The following NUP35 variants were observed in gnomAD, a reference collection of about 807,000 sequenced individuals.
NUP35 encodes nucleoporin NUP35.
Under a neutral mutation model 41.5 loss-of-function variants are expected in NUP35, and 25 were observed. That is an observed-to-expected ratio of 0.60 (90% CI 0.44 to 0.84). The LOEUF (loss-of-function observed/expected upper bound fraction) is 0.84. NUP35 is among the 40% of genes least tolerant of loss of function. The pLI is 0.00. For missense variants in NUP35, 396 were observed against 396.6 expected, an observed-to-expected ratio of 1.00 and a Z score of 0.01; for synonymous variants, 149 against 130.7, an observed-to-expected ratio of 1.14 and a Z score of -0.96.
At chr2:183,137,619 G>A (rs1217916102) in intron 4 of NUP35, among the ~76,000 whole-genome samples, 5 of 151,730 alleles carry the variant, frequency 3.3e-5, no homozygotes, top group African/African-American at 7.3e-5. Flanking sequence ...TGATCCCAGG[G>A]ACATTGAAAA....
At chr2:183,133,512 T>C in intron 3 of NUP35, 54 bp from the exon 4 acceptor site, 1 of 1,402,192 alleles carries the variant, frequency 7.1e-7, no homozygotes, top group African/African-American at 1.4e-5. Flanking sequence ...CTTTTAACAC[T>C]TACTGTATTT....
chr2:183,160,546 C>T (rs1412257436), intron 8 of NUP35: 1 of 151,858 alleles, frequency 6.6e-6, no homozygotes, highest in African/African-American at 2.4e-5. Flanking sequence ...CCACGCCCAG[C>T]TAATTTTTTG....
chr2:183,124,287 A>G (rs2105530171), upstream of NUP35: 24 of 1,432,238 alleles, frequency 1.7e-5, no homozygotes, highest in Middle Eastern at 2.1e-4. Flanking sequence ...TTCTCAGCGC[A>G]AAGACTTTGC....
intron 1 of NUP35, 48 bp from the exon 2 acceptor site, chr2:183,128,239 C>T (rs760007106): frequency 2.1e-6 from 3 of 1,416,568 alleles, no homozygotes; most frequent in Non-Finnish European, 2.8e-6. Flanking sequence ...CAACATGTAA[C>T]AGAAACTGTA....
chr2:183,135,815 A>AT (rs1387936349), intron 4 of NUP35, among the ~76,000 whole-genome samples: 1 of 152,090 alleles, frequency 6.6e-6, no homozygotes, highest in Admixed American at 6.6e-5. Context: ...AAGGGAGCTG[A>AT]TTTTGTCACT....
chr2:183,154,542 A>G (rs1461300193), intron 5 of NUP35, among the ~76,000 whole-genome samples: 1 of 152,202 alleles, frequency 6.6e-6, no homozygotes, highest in Non-Finnish European at 1.5e-5. Context: ...CTCTTTGCTA[A>G]AACATAACAA....
chr2:183,157,616 A>G (rs970976636), intron 6 of NUP35, 103 bp downstream of exon 6: 14 of 820,254 alleles, frequency 1.7e-5, no homozygotes, highest in Non-Finnish European at 2.6e-5. Flanking sequence ...TTAAACTTAA[A>G]TTTTTTTTTG....
chr2:183,160,721 C>G (rs755932736), intron 8 of NUP35: 2 of 155,546 alleles, frequency 1.3e-5, no homozygotes, highest in Non-Finnish European at 2.8e-5. Context: ...TTTGCTTTGC[C>G]AAAGGAATAA....
intron 4 of NUP35, among the ~76,000 whole-genome samples, chr2:183,138,269 A>ATATATATATATATATATATATTTTT: frequency 1.2e-5 from 1 of 80,696 alleles, no homozygotes; most frequent in African/African-American, 6.2e-5. Flanking sequence ...ATATATATAT[A>ATATATATATATATATATATATTTTT]TTTTTTTTTT....
chr2:183,159,892 G>T, intron 8 of NUP35: 1 of 429,310 alleles, frequency 2.3e-6, no homozygotes, highest in Non-Finnish European at 4.1e-6. Flanking sequence ...TTTGAAAGTT[G>T]TTTTAGCTTT....
upstream of NUP35, chr2:183,123,825 G>A: frequency 1.0e-6 from 1 of 985,244 alleles, no homozygotes; most frequent in Non-Finnish European, 1.2e-6. Context: ...GAGGGTTCGT[G>A]GGTGCGTATA....
In NUP35 at chr2:183,159,469, T is replaced by A. The variant is rs939352208; in HGVS notation, c.739-19T>A. 1 of 1,598,460 alleles carries A rather than the reference T, an allele frequency of 6.3e-7. No individual in the cohort carries two copies. Among genetic ancestry groups the A allele is most frequent in the Admixed American group, 1.7e-5 (1 of 58,170 alleles). ...GTATTATGTTTATAAACAAAGGAGT[T>A]ATTTCTTTGTTTCTCCAGAGTGTTA... On this transcript the variant is annotated intron_variant, in intron 7 of 8. Transcript: ENST00000295119.
rs1329926388 is a variant in NUP35 at position 183,161,085 on chromosome 2, A to C, written c.935A>C (p.Asp312Ala). The C allele has an allele frequency of 6.2e-7, 1 of 1,613,576 alleles. No individual in the cohort carries two copies. Among genetic ancestry groups the C allele is most frequent in the East Asian group, 2.2e-5 (1 of 44,824 alleles). ...VISDRQTPKK[D>A]ESLVSKAMEY... ...TCTGACAGACAAACGCCAAAAAAAG[A>C]TGAAAGTCTTGTATCCAAAGCAATG... is the stretch of plus-strand genomic sequence containing the variant. The change falls in exon 9 of 9, where the codon GAT becomes GCT. Residue 312 changes from aspartate to alanine, a missense_variant. By Grantham distance (126) the Asp-to-Ala change is moderately radical. Transcript: ENST00000295119.
chr2:183,139,786 G>GTA (rs1439500907), intron 4 of NUP35, among the ~76,000 whole-genome samples: 1 of 152,198 alleles, frequency 6.6e-6, no homozygotes, highest in Non-Finnish European at 1.5e-5. Flanking sequence ...TCCTTCCTTA[G>GTA]AGTCTGCAGC....
chr2:183,142,521 G>T (rs1685132243), intron 4 of NUP35, among the ~76,000 whole-genome samples: 1 of 151,222 alleles, frequency 6.6e-6, no homozygotes, highest in Non-Finnish European at 1.5e-5. Flanking sequence ...TTGCTTTGTT[G>T]CCCAGGCTGG....
At chr2:183,143,694 T>C (rs543192990) in intron 4 of NUP35, among the ~76,000 whole-genome samples, 10 of 152,266 alleles carry the variant, frequency 6.6e-5, no homozygotes, top group Admixed American at 5.9e-4. Context: ...AGAGGCCTGG[T>C]CTGTAAGCCC....
At position 183,141,119 on chromosome 2, in the gene NUP35, G is replaced by GTT. The variant is rs71407010; in HGVS notation, c.397+7508_397+7509dup. On this transcript the variant is annotated intron_variant, in intron 4 of 8. Transcript: ENST00000295119. ...GATTCTATGGACAATCAGCTTCCTTGTTTTTTTTTTTTTCCTCAGCATCTA... is the reference window on the plus strand; with the variant it reads ...GATTCTATGGACAATCAGCTTCCTTGTTTTTTTTTTTTTTTCCTCAGCATCTA... Among the ~76,000 whole-genome samples, 362 of 144,178 alleles carry GTT rather than the reference G, an allele frequency of 2.5e-3. 3 individuals carry two copies. The highest frequency in any genetic ancestry group is 8.7e-3 in the African/African-American group (343 of 39,452). 94.6% of individuals were successfully genotyped at this position (144,178 alleles called of 152,430 possible).
chr2:183,123,077 A>C (rs1700092670), upstream of NUP35, among the ~76,000 whole-genome samples: 1 of 152,216 alleles, frequency 6.6e-6, no homozygotes, highest in Non-Finnish European at 1.5e-5. Context: ...TTGGCTTTGA[A>C]AAAGCAGGAA....
intron 3 of NUP35, among the ~76,000 whole-genome samples, chr2:183,133,073 A>G (rs1684751141): frequency 6.6e-6 from 1 of 152,186 alleles, no homozygotes; most frequent in Non-Finnish European, 1.5e-5. Context: ...ACTAAAATGG[A>G]TAATTTACCA....
Sources: allele counts gnomAD v4.1 joint callset (sites outside exome capture counted in the v4.1 genomes callset), GRCh38; gene constraint gnomAD v4.1.1; transcripts MANE v1.5; gene names NCBI Gene and HGNC (gene_info 2026-07-23, HGNC 2026-07-21).